PRKCE: variants seen among roughly 807,000 people sequenced by gnomAD.
PRKCE encodes protein kinase C epsilon.
PRKCE carries 16 observed loss-of-function variants against 85.4 expected under a neutral mutation model. That is an observed-to-expected ratio of 0.19 (90% CI 0.13 to 0.28). The LOEUF is 0.28. Ranked by LOEUF, PRKCE falls within the 10% of genes least tolerant of loss-of-function variation. The probability of loss-of-function intolerance (pLI) is 1.00; values close to 1 mark genes in which losing one functional copy is unlikely to be tolerated. For missense variants in PRKCE, 573 were observed against 975.2 expected, an observed-to-expected ratio of 0.59 and a Z score of 5.49; for synonymous variants, 388 against 371.5, an observed-to-expected ratio of 1.04 and a Z score of -0.51.
intron 1 of PRKCE, chr2:45,770,688 C>G (rs908671169): frequency 6.6e-6 from 1 of 152,196 alleles, no homozygotes; most frequent in African/African-American, 2.4e-5. Flanking sequence ...AGCCCAGGGG[C>G]TGGGATGCCA....
intron 1 of PRKCE, among the ~76,000 whole-genome samples, chr2:45,804,945 C>CT (rs5830871): frequency 0.57 from 76,115 of 133,402 alleles, 21,574 homozygotes; most frequent in South Asian, 0.71. Flanking sequence ...AACTCATCAA[C>CT]TTTTTTTTTT....
At position 46,041,481 on chromosome 2, in the gene PRKCE, T is replaced by C. The variant is rs1000734379; in HGVS notation, c.1437+30964T>C. ...AACTCAGTTCACATCCAGACTGGCT[T>C]CTAGAAGAAAGGAAATTTATAGTGT... is the stretch of plus-strand genomic sequence containing the variant. On this transcript the variant is annotated intron_variant, in intron 10 of 14. Coordinates refer to ENST00000306156, the MANE Select transcript of PRKCE (RefSeq NM_005400.3). This position sits in a 1 kb window ranked among gnomAD's most constrained non-coding sequence, Gnocchi z 5.5. Among the ~76,000 whole-genome samples the C allele has an allele frequency of 6.6e-6, 1 of 152,216 alleles. No individual in the cohort carries two copies. Among genetic ancestry groups the C allele is most frequent in the Non-Finnish European group, 1.5e-5 (1 of 68,034 alleles).
At chr2:45,854,366 A>G (rs1057149646) in intron 2 of PRKCE, among the ~76,000 whole-genome samples, 1 of 152,190 alleles carries the variant, frequency 6.6e-6, no homozygotes, top group African/African-American at 2.4e-5. Flanking sequence ...AGGTTACCAT[A>G]GGGAGGCATG....
chr2:45,815,969 G>A (rs1223119928), intron 1 of PRKCE, among the ~76,000 whole-genome samples: 1 of 152,214 alleles, frequency 6.6e-6, no homozygotes. Flanking sequence ...CTACAAATGA[G>A]AAGCCAAGAG....
intron 2 of PRKCE, among the ~76,000 whole-genome samples, chr2:45,919,376 C>G (rs1458493486): frequency 6.6e-6 from 1 of 152,248 alleles, no homozygotes; most frequent in Non-Finnish European, 1.5e-5. Context: ...CTCTAAATTA[C>G]TTGGCTAGAG....
At chr2:45,740,740 G>A (rs1363693259) in intron 1 of PRKCE, among the ~76,000 whole-genome samples, 3 of 151,964 alleles carry the variant, frequency 2.0e-5, no homozygotes, top group African/African-American at 4.8e-5. Context: ...TATTCACTTC[G>A]AACACTACAC....
chr2:45,861,210 A>C (rs1344218256), intron 2 of PRKCE, among the ~76,000 whole-genome samples: 4 of 152,058 alleles, frequency 2.6e-5, no homozygotes, highest in Non-Finnish European at 5.9e-5. Flanking sequence ...TATTAGGGGT[A>C]GGGGTGGGCT....
At chr2:45,830,772 G>C (rs1182636876) in intron 1 of PRKCE, among the ~76,000 whole-genome samples, 1 of 152,202 alleles carries the variant, frequency 6.6e-6, no homozygotes, top group Admixed American at 6.5e-5. Context: ...AGAGTCCATT[G>C]ACAATATTGA....
intron 1 of PRKCE, among the ~76,000 whole-genome samples, chr2:45,804,057 C>G (rs1688067334): frequency 6.6e-6 from 1 of 152,214 alleles, no homozygotes; most frequent in East Asian, 1.9e-4. Flanking sequence ...GACAGAGGGT[C>G]CTGGGTTGCC....
chr2:45,660,646 C>G (rs1235131660), intron 1 of PRKCE, among the ~76,000 whole-genome samples: 1 of 152,184 alleles, frequency 6.6e-6, no homozygotes, highest in Non-Finnish European at 1.5e-5. Flanking sequence ...AGGGGTTTCA[C>G]TTAGGCTAAA....
chr2:45,729,891 C>G (rs1013862892), intron 1 of PRKCE, among the ~76,000 whole-genome samples: 10 of 152,180 alleles, frequency 6.6e-5, no homozygotes, highest in African/African-American at 2.4e-4. Context: ...TTCCTACTAG[C>G]TCCACCTGGA....
chr2:45,809,932 A>G (rs879366463), intron 1 of PRKCE, among the ~76,000 whole-genome samples: 99 of 152,138 alleles, frequency 6.5e-4, no homozygotes, highest in Non-Finnish European at 6.0e-4. Flanking sequence ...GCTCTCCAAA[A>G]TCACAGATAA....
intron 2 of PRKCE, among the ~76,000 whole-genome samples, chr2:45,885,317 G>C (rs1441349750): frequency 6.6e-6 from 1 of 152,088 alleles, no homozygotes; most frequent in Non-Finnish European, 1.5e-5. Flanking sequence ...CTGGAGGGAA[G>C]GGACCTGACA....
chr2:45,658,840 G>C (rs1485015245), intron 1 of PRKCE, among the ~76,000 whole-genome samples: 2 of 152,166 alleles, frequency 1.3e-5, no homozygotes, highest in African/African-American at 4.8e-5. Context: ...AAATAAATTT[G>C]ACTTAGTTAT....
At chr2:46,169,128 G>C (rs1187875073) in intron 14 of PRKCE, among the ~76,000 whole-genome samples, 1 of 152,326 alleles carries the variant, frequency 6.6e-6, no homozygotes, top group East Asian at 1.9e-4. Flanking sequence ...CCCACATCAA[G>C]TGGAGGACCT....
At chr2:45,995,459 T>C (rs1181148871) in intron 6 of PRKCE, among the ~76,000 whole-genome samples, 2 of 152,208 alleles carry the variant, frequency 1.3e-5, no homozygotes, top group Admixed American at 1.3e-4. Flanking sequence ...TTCTATATTA[T>C]CTTCAAGGAG....
At chr2:45,667,920 C>A (rs1675990632) in intron 1 of PRKCE, among the ~76,000 whole-genome samples, 5 of 152,166 alleles carry the variant, frequency 3.3e-5, no homozygotes. Context: ...ACCACTGAAC[C>A]AGTCGTGTGA....
rs575284155 is a variant in PRKCE at position 45,875,723 on chromosome 2, TG to T, written c.412+32662del. 2.6e-5 allele frequency among the ~76,000 whole-genome samples: 4 copies of T among 152,334 alleles called. No individual in the cohort carries two copies. The East Asian group carries it at 7.7e-4, about 29-fold the overall frequency. On this transcript the variant is annotated intron_variant, in intron 2 of 14. Transcript: ENST00000306156. ...TGTTGGGGTGGTGAGCTCCCATCCC[TG>T]GAAGTGTTCACACAAATGTCAACTA...
chr2:45,727,861 G>A (rs1440284651), intron 1 of PRKCE, among the ~76,000 whole-genome samples: 2 of 152,042 alleles, frequency 1.3e-5, no homozygotes, highest in African/African-American at 2.4e-5. Flanking sequence ...CACCATGTTG[G>A]TCAGGCTGGT....
Sources: allele counts gnomAD v4.1 joint callset (sites outside exome capture counted in the v4.1 genomes callset), GRCh38; gene constraint gnomAD v4.1.1; non-coding constraint Gnocchi (gnomAD v3.1); transcripts MANE v1.5; gene names NCBI Gene and HGNC (gene_info 2026-07-23, HGNC 2026-07-21).